ANKDD1B: variants seen among roughly 807,000 people sequenced by gnomAD.
ANKDD1B encodes the protein ankyrin repeat and death domain containing 1B.
ANKDD1B carries 57 observed loss-of-function variants against 59.7 expected under a neutral mutation model. That is an observed-to-expected ratio of 0.95 (90% CI 0.77 to 1.19). ANKDD1B has a LOEUF of 1.19. Ranked by LOEUF, ANKDD1B falls within the 50% of genes most tolerant of loss-of-function variation. The pLI, the probability that ANKDD1B is intolerant of heterozygous loss-of-function variation, is 0.00. For synonymous variants in ANKDD1B, 216 were observed against 239.5 expected (o/e 0.90, Z 0.91); for missense variants, 602 against 641.9 (o/e 0.94, Z 0.67).
At chr5:75,636,677 G>A (rs1433934067) in intron 7 of ANKDD1B, among the ~76,000 whole-genome samples, 1 of 152,148 alleles carries the variant, frequency 6.6e-6, no homozygotes, top group Non-Finnish European at 1.5e-5. Flanking sequence ...TCAGGTGACT[G>A]CCAAAATGGG....
chr5:75,669,764 CCT>C (rs1475365472), intron 13 of ANKDD1B, among the ~76,000 whole-genome samples: 1 of 152,124 alleles, frequency 6.6e-6, no homozygotes, highest in Non-Finnish European at 1.5e-5. Flanking sequence ...CCATTTTACC[CCT>C]GTTGATAAAC....
In ANKDD1B at chr5:75,660,431, T is replaced by C. The variant is rs542558724; in HGVS notation, c.1095+1050T>C. Among the ~76,000 whole-genome samples, 3 of 152,404 alleles carry C rather than the reference T, an allele frequency of 2.0e-5. No individual in the cohort carries two copies. In the East Asian group the frequency reaches 5.8e-4, roughly 29 times the overall value. ...GTTGTAGCATGTGTCAGAATTTCATTTCTTTTCAAAGCTAAATAACATTTC... is the reference window on the plus strand; with the variant it reads ...GTTGTAGCATGTGTCAGAATTTCATCTCTTTTCAAAGCTAAATAACATTTC... On this transcript the variant is annotated intron_variant, in intron 10 of 13. Transcript: ENST00000601380.
intron 2 of ANKDD1B, 128 bp from the exon 3 acceptor site, chr5:75,620,187 G>A: frequency 1.7e-6 from 1 of 581,226 alleles, no homozygotes; most frequent in Non-Finnish European, 3.0e-6. Flanking sequence ...AAAGGTAAAG[G>A]CAAAGAGTGG....
intron 9 of ANKDD1B, among the ~76,000 whole-genome samples, chr5:75,656,385 G>T (rs539801028): frequency 2.6e-5 from 4 of 152,108 alleles, no homozygotes; most frequent in South Asian, 2.1e-4. Flanking sequence ...CAGCATTTTT[G>T]ATAGAAAAAC....
rs918584070 is a variant in ANKDD1B, at chr5:75,611,548, C to G, written c.-87C>G. 1.8e-6 allele frequency: 2 copies of G among 1,121,954 alleles called. No individual in the cohort carries two copies. Among genetic ancestry groups the G allele is most frequent in the Admixed American group, 4.3e-5 (1 of 23,506 alleles). The allele number at this position is 1,121,954 out of a possible 1,614,324, so 69.5% of individuals were successfully genotyped here. On this transcript the variant is annotated 5_prime_UTR_variant, in exon 1 of 14. Coordinates refer to ENST00000601380, the MANE Select transcript of ANKDD1B (RefSeq NM_001276713.2). ...TCCAGCCCCCGCGCCCTGGGCCTGC[C>G]TGGGTCTGGATCTGTGTCCGAGTCT...
chr5:75,639,284 C>A lies in ANKDD1B; in HGVS notation c.798+3402C>A, dbSNP rs186554382. Among the ~76,000 whole-genome samples the A allele has an allele frequency of 1.4e-3, 208 of 151,218 alleles. 1 individual carries two copies. Among genetic ancestry groups the A allele is most frequent in the Admixed American group, 7.4e-3 (112 of 15,198 alleles). ...TGATCTCGGCTCACTGCAAACTCTG[C>A]CTCCCAGGTTCAAGTGACTTTCCTG... On this transcript the variant is annotated intron_variant, in intron 7 of 13. Transcript: ENST00000601380.
chr5:75,632,478 AT>A (rs1409187870), intron 5 of ANKDD1B, among the ~76,000 whole-genome samples: 1 of 152,226 alleles, frequency 6.6e-6, no homozygotes, highest in African/African-American at 2.4e-5. Flanking sequence ...AGCCAAAAAA[AT>A]ATCTCATGGT....
chr5:75,644,953 G>A lies in ANKDD1B; in HGVS notation c.799-8189G>A, dbSNP rs1385781863. Among the ~76,000 whole-genome samples, 14 of 127,142 alleles carry A rather than the reference G, an allele frequency of 1.1e-4. 2 individuals carry two copies. Among genetic ancestry groups the A allele is most frequent in the African/African-American group, 5.2e-4 (11 of 21,040 alleles). The allele number at this position is 127,142 out of a possible 152,430, so 83.4% of individuals were successfully genotyped here. A position where few individuals can be genotyped will look rare whatever the true frequency, so the allele number is the denominator to read the frequency against. ...CTCAGGATTAAGAATCTCACTCAAA[G>A]CCGCTCAACTACATGGAAACTGAAC... On this transcript the variant is annotated intron_variant, in intron 7 of 13. Transcript: ENST00000601380.
At chr5:75,665,560 C>T (rs1775283561) in intron 11 of ANKDD1B, among the ~76,000 whole-genome samples, 1 of 152,200 alleles carries the variant, frequency 6.6e-6, no homozygotes, top group African/African-American at 2.4e-5. Flanking sequence ...GGAAGTAAAG[C>T]TGAGGCTGGG....
At chr5:75,617,988 T>A (rs749515224) in intron 2 of ANKDD1B, among the ~76,000 whole-genome samples, 1 of 151,954 alleles carries the variant, frequency 6.6e-6, no homozygotes, top group African/African-American at 2.4e-5. Flanking sequence ...GGGATTGGTA[T>A]GTCTGTGTAT....
At chr5:75,642,049 A>G (rs1313668653) in intron 7 of ANKDD1B, among the ~76,000 whole-genome samples, 1 of 152,228 alleles carries the variant, frequency 6.6e-6, no homozygotes, top group African/African-American at 2.4e-5. Flanking sequence ...GCAATATTGA[A>G]CATGTTAATC....
chr5:75,641,410 G>C (rs71628913), intron 7 of ANKDD1B, among the ~76,000 whole-genome samples: 25 of 151,970 alleles, frequency 1.6e-4, no homozygotes, highest in Non-Finnish European at 2.4e-4. Context: ...AGCACCAAAG[G>C]GTATATGATA....
At chr5:75,627,711 T>C (rs1774029407) in intron 5 of ANKDD1B, among the ~76,000 whole-genome samples, 1 of 152,240 alleles carries the variant, frequency 6.6e-6, no homozygotes, top group Admixed American at 6.5e-5. Context: ...CGGCCTGTTA[T>C]GCATAAGACA....
In ANKDD1B at chr5:75,611,480, A is replaced by T; in HGVS notation, c.-155A>T. On this transcript the variant is annotated 5_prime_UTR_variant, in exon 1 of 14. Transcript: ENST00000601380. Reference sequence around the variant, plus strand: ...TGCCCAGCGAACCGCCACAACAGAGAGCGGACTCGATCCTGCGCTCCGGCC... The same window carrying T: ...TGCCCAGCGAACCGCCACAACAGAGTGCGGACTCGATCCTGCGCTCCGGCC... The T allele has an allele frequency of 2.1e-6, 1 of 484,470 alleles. No individual in the cohort carries two copies. Among genetic ancestry groups the T allele is most frequent in the Non-Finnish European group, 3.3e-6 (1 of 306,088 alleles). The allele number at this position is 484,470 out of a possible 1,614,324, so 30.0% of individuals were successfully genotyped here. A position where few individuals can be genotyped will look rare whatever the true frequency, so the allele number is the denominator to read the frequency against.
At chr5:75,619,022 A>T (rs1581128895) in intron 2 of ANKDD1B, among the ~76,000 whole-genome samples, 1 of 152,378 alleles carries the variant, frequency 6.6e-6, no homozygotes, top group East Asian at 1.9e-4. Context: ...CTGGGACTAC[A>T]GGCATGAGCC....
intron 1 of ANKDD1B, among the ~76,000 whole-genome samples, chr5:75,616,506 G>A (rs932975730): frequency 6.6e-6 from 1 of 152,142 alleles, no homozygotes; most frequent in Admixed American, 6.5e-5. Flanking sequence ...GTCTATGGCC[G>A]CCTTCTGACC....
intron 3 of ANKDD1B, among the ~76,000 whole-genome samples, chr5:75,622,456 A>G (rs765173579): frequency 3.3e-5 from 5 of 152,208 alleles, no homozygotes; most frequent in Non-Finnish European, 7.3e-5. Flanking sequence ...GCTGAGTACC[A>G]TTCAAGGCAC....
chr5:75,666,956 AG>A lies in ANKDD1B; in HGVS notation c.1357del (p.Asp453MetfsTer33). ...QRLARSWNFT[D>X]DQIRAIEEQW... is the part of the protein sequence containing the mutation. ...GGCTGGCCCGTTCGTGGAACTTTAC[AG>A]ATGACCAGATTAGAGCCATTGAGGA... On this transcript the variant is annotated frameshift_variant, in exon 12 of 14. Transcript: ENST00000601380. LOFTEE classifies it high-confidence loss of function. The A allele has an allele frequency of 6.6e-7, 1 of 1,506,474 alleles. No individual in the cohort carries two copies. Among genetic ancestry groups the A allele is most frequent in the South Asian group, 1.3e-5 (1 of 77,750 alleles). 93.3% of individuals were successfully genotyped at this position (1,506,474 alleles called of 1,614,324 possible).
intron 5 of ANKDD1B, chr5:75,634,643 C>T: frequency 6.1e-6 from 2 of 329,146 alleles, no homozygotes; most frequent in Admixed American, 4.1e-5. Context: ...TCTCCTGATG[C>T]TTGAGAGGAC....
Sources: gnomAD v4.1 joint callset for allele counts (sites outside exome capture counted in the v4.1 genomes callset) on GRCh38, gnomAD v4.1.1 for gene constraint, MANE v1.5 for transcripts, NCBI Gene and HGNC (gene_info 2026-07-23, HGNC 2026-07-21) for gene names.